The following CNTN5 variants were observed in gnomAD, a reference collection of about 807,000 sequenced individuals.
CNTN5 encodes the protein contactin-5.
In CNTN5, 77 loss-of-function variants were observed where a neutral mutation model predicts 129.1. The observed-to-expected ratio is 0.60, with a 90% confidence interval of 0.50 to 0.72. The LOEUF is 0.72. CNTN5 is among the 30% of genes least tolerant of loss of function. The pLI is 0.00. For missense variants in CNTN5, 1,478 were observed against 1,328.8 expected (o/e 1.11, Z -1.75); for synonymous variants, 509 against 465.6 (o/e 1.09, Z -1.20).
intron 18 of CNTN5, among the ~76,000 whole-genome samples, chr11:100,282,091 G>C (rs527430213): frequency 6.6e-6 from 1 of 151,194 alleles, no homozygotes; most frequent in Non-Finnish European, 1.5e-5. Flanking sequence ...ATTGGTCCCC[G>C]GTGGCATATT....
At chr11:99,369,696 A>G (rs568268194) in intron 2 of CNTN5, among the ~76,000 whole-genome samples, 5 of 152,326 alleles carry the variant, frequency 3.3e-5, no homozygotes, top group African/African-American at 1.2e-4. Context: ...CCAGAATCCC[A>G]TAGTCCTTAT....
chr11:99,775,193 T>G (rs973090232), intron 3 of CNTN5, among the ~76,000 whole-genome samples: 3 of 152,150 alleles, frequency 2.0e-5, no homozygotes, highest in Admixed American at 2.0e-4. Flanking sequence ...GTGATAATAT[T>G]TTTGTATTTT....
At chr11:99,767,336 G>A (rs1330661218) in intron 3 of CNTN5, among the ~76,000 whole-genome samples, 3 of 151,998 alleles carry the variant, frequency 2.0e-5, no homozygotes, top group Non-Finnish European at 4.4e-5. Flanking sequence ...CTGTGATAGA[G>A]GAAGCATTTT....
chr11:99,374,853 G>C (rs552138771), intron 2 of CNTN5, among the ~76,000 whole-genome samples: 56 of 152,124 alleles, frequency 3.7e-4, no homozygotes, highest in Admixed American at 2.6e-3. Context: ...AATGAAGAAG[G>C]CCAAATGAAT....
At chr11:99,293,991 G>GATGAGC (rs920493210) in intron 1 of CNTN5, among the ~76,000 whole-genome samples, 7 of 150,546 alleles carry the variant, frequency 4.6e-5, no homozygotes, top group Non-Finnish European at 8.9e-5. Flanking sequence ...TTAGTTTTTT[G>GATGAGC]ATGAGCATTG....
intron 1 of CNTN5, among the ~76,000 whole-genome samples, chr11:99,120,865 A>G (rs554313985): frequency 1.2e-4 from 18 of 152,302 alleles, no homozygotes; most frequent in African/African-American, 3.8e-4. Context: ...GGGTTAATTA[A>G]TAATTTATCA....
intron 21 of CNTN5, among the ~76,000 whole-genome samples, chr11:100,329,457 C>A (rs1951857908): frequency 6.6e-6 from 1 of 152,228 alleles, no homozygotes; most frequent in South Asian, 2.1e-4. Context: ...TTTGCATCCT[C>A]CCTATAGGAC....
chr11:99,371,071 T>C (rs1253003652), intron 2 of CNTN5, among the ~76,000 whole-genome samples: 2 of 152,136 alleles, frequency 1.3e-5, no homozygotes, highest in African/African-American at 4.8e-5. Flanking sequence ...GTCTGACTCA[T>C]CAAGTTTCTA....
At chr11:99,520,973 T>C (rs1947254615) in intron 2 of CNTN5, among the ~76,000 whole-genome samples, 4 of 152,106 alleles carry the variant, frequency 2.6e-5, no homozygotes, top group Admixed American at 2.6e-4. Context: ...TGCATAGTAA[T>C]ATGCGGTTTA....
intron 1 of CNTN5, among the ~76,000 whole-genome samples, chr11:99,145,105 T>C (rs1180371828): frequency 1.3e-5 from 2 of 152,308 alleles, no homozygotes; most frequent in Non-Finnish European, 2.9e-5. Context: ...AGGCTTGCTC[T>C]TTCACCCAGG....
At chr11:99,235,569 C>G (rs1861219961) in intron 1 of CNTN5, among the ~76,000 whole-genome samples, 1 of 152,172 alleles carries the variant, frequency 6.6e-6, no homozygotes, top group Middle Eastern at 3.4e-3. Context: ...AGATAATATC[C>G]TTACAATAGG....
chr11:99,602,533 A>G lies in CNTN5; in HGVS notation c.55+46264A>G, dbSNP rs1051416221. 7.7e-4 allele frequency among the ~76,000 whole-genome samples: 117 copies of G among 152,158 alleles called. 3 individuals carry two copies. The highest frequency in any genetic ancestry group is 2.1e-4 in the Non-Finnish European group (14 of 68,040). On this transcript the variant is annotated intron_variant, in intron 3 of 24. Coordinates refer to ENST00000524871, the MANE Select transcript of CNTN5 (RefSeq NM_014361.4). ...TACTTCAATTGAGAGCACTACCCATATATTAATATAGTTATAATAAAAAAC... is the reference window on the plus strand; with the variant it reads ...TACTTCAATTGAGAGCACTACCCATGTATTAATATAGTTATAATAAAAAAC...
chr11:100,303,067 G>A (rs1159618276), intron 20 of CNTN5, among the ~76,000 whole-genome samples: 1 of 151,506 alleles, frequency 6.6e-6, no homozygotes, highest in Non-Finnish European at 1.5e-5. Flanking sequence ...TGCCACAAGA[G>A]AAGCAAACCT....
chr11:99,422,516 TTTTATATA>T (rs1172974198), intron 2 of CNTN5, among the ~76,000 whole-genome samples: 5,425 of 100,232 alleles, frequency 0.054, 136 homozygotes, highest in Middle Eastern at 0.078. Flanking sequence ...TACTTTATAT[TTTTATATA>T]TATATATATA....
At chr11:99,166,419 A>G (rs918246554) in intron 1 of CNTN5, among the ~76,000 whole-genome samples, 1 of 145,482 alleles carries the variant, frequency 6.9e-6, no homozygotes, top group African/African-American at 2.5e-5. Context: ...AAAAAAAAAG[A>G]GTAGTTATGT....
intron 6 of CNTN5, among the ~76,000 whole-genome samples, chr11:99,868,551 C>A (rs1948417704): frequency 6.6e-6 from 1 of 152,160 alleles, no homozygotes; most frequent in Non-Finnish European, 1.5e-5. Flanking sequence ...ATTTCGCAAA[C>A]TATTCATATA....
At chr11:99,598,360 CTCTCTCTCT>C (rs1950204216) in intron 3 of CNTN5, among the ~76,000 whole-genome samples, 1 of 33,816 alleles carries the variant, frequency 3.0e-5, no homozygotes, top group African/African-American at 9.4e-5. Context: ...CTCTCTCTCT[CTCTCTCTCT>C]CTCTCCCTCT....
chr11:99,217,897 C>T (rs1401280811), intron 1 of CNTN5, among the ~76,000 whole-genome samples: 2 of 152,148 alleles, frequency 1.3e-5, no homozygotes, highest in East Asian at 3.9e-4. Context: ...TACATTTTTA[C>T]ATTTTACTGA....
At chr11:99,985,024 G>T (rs1328023628) in intron 8 of CNTN5, among the ~76,000 whole-genome samples, 1 of 152,146 alleles carries the variant, frequency 6.6e-6, no homozygotes, top group Non-Finnish European at 1.5e-5. Flanking sequence ...AGGTGAGGGT[G>T]CCTGCAACGG....
Sources: gnomAD v4.1 joint callset for allele counts (sites outside exome capture counted in the v4.1 genomes callset) on GRCh38, gnomAD v4.1.1 for gene constraint, MANE v1.5 for transcripts, NCBI Gene and HGNC (gene_info 2026-07-23, HGNC 2026-07-21) for gene names.